NUP98: variants seen among roughly 807,000 people sequenced by gnomAD.
The protein encoded by NUP98 is nuclear pore complex protein Nup98-Nup96.
In NUP98, 26 loss-of-function variants were observed where a neutral mutation model predicts 191.9. That is an observed-to-expected ratio of 0.14 (90% CI 0.10 to 0.19). The LOEUF (loss-of-function observed/expected upper bound fraction) is 0.19. NUP98 is among the 10% of genes least tolerant of loss of function. The probability of loss-of-function intolerance (pLI) is 1.00; values close to 1 mark genes in which losing one functional copy is unlikely to be tolerated. For synonymous variants in NUP98, 808 were observed against 778.4 expected, an observed-to-expected ratio of 1.04 and a Z score of -0.63; for missense variants, 1,941 against 2,178.8, an observed-to-expected ratio of 0.89 and a Z score of 2.17.
Position 3,700,493 on chromosome 11 carries a change from T to A in NUP98, c.3742+117A>T, listed in dbSNP as rs571952738. 6.1e-5 allele frequency: 37 copies of A among 607,756 alleles called. No individual in the cohort carries two copies. In the South Asian group the frequency reaches 8.8e-4, roughly 15 times the overall value. 37.6% of individuals were successfully genotyped at this position (607,756 alleles called of 1,614,324 possible). ...CTTAGTTAAACTCAACCTCAGAAAA[T>A]GACAAGCACAGGCATTTACCTACTA... On this transcript the variant is annotated intron_variant, in intron 24 of 32. Coordinates refer to ENST00000324932, the MANE Select transcript of NUP98 (RefSeq NM_016320.5).
intron 31 of NUP98, among the ~76,000 whole-genome samples, chr11:3,676,898 A>C (rs1239942107): frequency 6.6e-6 from 1 of 152,206 alleles, no homozygotes; most frequent in African/African-American, 2.4e-5. Context: ...AGCACCAAAA[A>C]TCAAGATAAA....
At chr11:3,724,309 C>T (rs1156693947) in intron 15 of NUP98, among the ~76,000 whole-genome samples, 1 of 151,558 alleles carries the variant, frequency 6.6e-6, no homozygotes, top group Non-Finnish European at 1.5e-5. Flanking sequence ...GAGGTGCATG[C>T]CTGTAATCCC....
intron 1 of NUP98, among the ~76,000 whole-genome samples, chr11:3,793,542 T>G (rs2082425102): frequency 6.6e-6 from 1 of 151,888 alleles, no homozygotes; most frequent in Admixed American, 6.6e-5. Context: ...CGCTTCAGCC[T>G]CCCAAAGTGC....
intron 16 of NUP98, among the ~76,000 whole-genome samples, chr11:3,721,377 C>T (rs1290912266): frequency 1.3e-5 from 2 of 152,042 alleles, no homozygotes; most frequent in Non-Finnish European, 2.9e-5. Context: ...TTCAAATTTA[C>T]ACTCCCAAAT....
intron 7 of NUP98, among the ~76,000 whole-genome samples, chr11:3,769,990 C>G (rs1472770510): frequency 1.3e-5 from 2 of 150,770 alleles, no homozygotes; most frequent in Non-Finnish European, 2.9e-5. Context: ...ATGCAGTGAG[C>G]CGAGATCACA....
intron 14 of NUP98, among the ~76,000 whole-genome samples, chr11:3,726,905 G>C (rs879023506): frequency 6.6e-6 from 1 of 151,752 alleles, no homozygotes; most frequent in Non-Finnish European, 1.5e-5. Context: ...GGGACTATCG[G>C]CATGTGCCAT....
chr11:3,769,859 C>T (rs112262883), intron 7 of NUP98, among the ~76,000 whole-genome samples: 7 of 151,404 alleles, frequency 4.6e-5, no homozygotes, highest in African/African-American at 1.7e-4. Flanking sequence ...CTGGCCAAGA[C>T]GGTAAAACCC....
At chr11:3,702,312 CACTCT>C in intron 23 of NUP98, 146 bp downstream of exon 23, 1 of 350,636 alleles carries the variant, frequency 2.9e-6, no homozygotes, top group Non-Finnish European at 5.0e-6. Context: ...CACACACACA[CACTCT>C]CTCTCTCTCT....
intron 12 of NUP98, among the ~76,000 whole-genome samples, chr11:3,739,480 C>T (rs2080198009): frequency 6.6e-6 from 1 of 152,086 alleles, no homozygotes; most frequent in Non-Finnish European, 1.5e-5. Flanking sequence ...CTCCTGACCT[C>T]AGGTGATCCA....
At chr11:3,726,631 G>C (rs767858295) in intron 14 of NUP98, among the ~76,000 whole-genome samples, 25 of 150,550 alleles carry the variant, frequency 1.7e-4, no homozygotes, top group Non-Finnish European at 2.8e-4. Context: ...AACATCAAAA[G>C]TCACTCAAAA....
At chr11:3,676,822 A>G (rs1318570134) in intron 31 of NUP98, 2 of 686,574 alleles carry the variant, frequency 2.9e-6, no homozygotes, top group South Asian at 3.1e-5. Flanking sequence ...AAGGTAACAC[A>G]GTTACCTAGC....
chr11:3,718,216 A>G (rs1360167649), intron 18 of NUP98, among the ~76,000 whole-genome samples: 1 of 152,060 alleles, frequency 6.6e-6, no homozygotes, highest in Non-Finnish European at 1.5e-5. Context: ...TTTTTTGACA[A>G]GTTTGTGATT....
chr11:3,740,442 C>T (rs935286843), intron 12 of NUP98, among the ~76,000 whole-genome samples: 3 of 150,286 alleles, frequency 2.0e-5, no homozygotes, highest in East Asian at 2.0e-4. Flanking sequence ...ACCTGGGAGG[C>T]GAAGGTTGCA....
At chr11:3,758,590 G>T (rs1390660990) in intron 10 of NUP98, among the ~76,000 whole-genome samples, 1 of 152,130 alleles carries the variant, frequency 6.6e-6, no homozygotes, top group Non-Finnish European at 1.5e-5. Context: ...TTCAAAACCA[G>T]CCTCGCCAAC....
rs2079095197 is a variant in NUP98, at chr11:3,713,911, A to G, written c.2484T>C (p.Asp828=). Residue 828 remains aspartate, a synonymous_variant, in exon 19 of 33, where the codon GAT becomes GAC. Transcript: ENST00000324932. ...CLIKSPDRLA[D]INYEGRLEAV... The stretch of plus-strand genomic sequence containing the variant: ...CTTCCAATCTTCCTTCATAGTTGAT[A>G]TCAGCAAGGCGATCTGGGCTCTTTA... 1 of 1,614,176 alleles carries G rather than the reference A, an allele frequency of 6.2e-7. No individual in the cohort carries two copies. The highest frequency in any genetic ancestry group is 8.5e-7 in the Non-Finnish European group (1 of 1,180,020).
chr11:3,690,007 A>G (rs2078260213), intron 28 of NUP98, among the ~76,000 whole-genome samples: 1 of 134,016 alleles, frequency 7.5e-6, no homozygotes, highest in Admixed American at 8.6e-5. Flanking sequence ...GCTGGACTGC[A>G]GTGGCACAAT....
In NUP98 at chr11:3,797,453, C is replaced by A; in HGVS notation, c.-82G>T. The A allele has an allele frequency of 4.8e-6, 2 of 415,384 alleles. No individual in the cohort carries two copies. Among genetic ancestry groups the A allele is most frequent in the South Asian group, 1.6e-4 (2 of 12,484 alleles). The allele number at this position is 415,384 out of a possible 1,614,324, so 25.7% of individuals were successfully genotyped here. A position where few individuals can be genotyped will look rare whatever the true frequency, so the allele number is the denominator to read the frequency against. On this transcript the variant is annotated 5_prime_UTR_variant, in exon 1 of 33. Coordinates refer to ENST00000324932, the MANE Select transcript of NUP98 (RefSeq NM_016320.5). ...AGGAGTCCCCTGCTGCCACCCGCCG[C>A]TCACAGAGCAGCGCGCGGCCCCCAC...
chr11:3,726,832 G>A lies in NUP98; in HGVS notation c.1731-1613C>T, dbSNP rs181205558. Among the ~76,000 whole-genome samples, 1,034 of 150,298 alleles carry A rather than the reference G, an allele frequency of 6.9e-3. 9 individuals carry two copies. Among genetic ancestry groups the A allele is most frequent in the African/African-American group, 0.024 (989 of 40,824 alleles). On this transcript the variant is annotated intron_variant, in intron 14 of 32. Transcript: ENST00000324932. Reference sequence around the variant, plus strand: ...GCTGGAGTACAGTGGTGGTATCATAGCTCACTGCAACCTTGAATTCCTGGG... The same window carrying A: ...GCTGGAGTACAGTGGTGGTATCATAACTCACTGCAACCTTGAATTCCTGGG...
intron 1 of NUP98, among the ~76,000 whole-genome samples, chr11:3,796,997 G>A (rs575935453): frequency 1.3e-5 from 2 of 152,358 alleles, no homozygotes; most frequent in South Asian, 2.1e-4. Flanking sequence ...GAGAAGCCAA[G>A]GCAAATAAAG....
Sources: allele counts gnomAD v4.1 joint callset (sites outside exome capture counted in the v4.1 genomes callset), GRCh38; gene constraint gnomAD v4.1.1; transcripts MANE v1.5; gene names NCBI Gene and HGNC (gene_info 2026-07-23, HGNC 2026-07-21).